OGDHL: variants seen among roughly 807,000 people sequenced by gnomAD.
OGDHL encodes the protein 2-oxoglutarate dehydrogenase-like, mitochondrial.
In OGDHL, 79 loss-of-function variants were observed where a neutral mutation model predicts 109.6. The ratio of observed to expected loss-of-function variants is 0.72; its 90% CI spans 0.60 to 0.87. OGDHL has a LOEUF of 0.87. OGDHL is among the 40% of genes least tolerant of loss of function. The probability of loss-of-function intolerance (pLI) is 0.00; values close to 1 mark genes in which losing one functional copy is unlikely to be tolerated. For missense variants in OGDHL, 1,275 were observed against 1,362.2 expected, an observed-to-expected ratio of 0.94 and a Z score of 1.01; for synonymous variants, 528 against 537.2, an observed-to-expected ratio of 0.98 and a Z score of 0.24.
intron 1 of OGDHL, among the ~76,000 whole-genome samples, chr10:49,761,393 G>A (rs564475829): frequency 2.0e-5 from 3 of 152,360 alleles, no homozygotes; most frequent in East Asian, 3.9e-4. Context: ...TGCACCCATT[G>A]CAGAGATCAG....
At chr10:49,745,243 A>T in intron 12 of OGDHL, 101 bp downstream of exon 12, 2 of 1,445,390 alleles carry the variant, frequency 1.4e-6, no homozygotes. Context: ...CTACTTCTTT[A>T]AATCCTTAGT....
At chr10:49,754,566 G>C (rs1842804323) in intron 3 of OGDHL, among the ~76,000 whole-genome samples, 1 of 151,946 alleles carries the variant, frequency 6.6e-6, no homozygotes, top group Non-Finnish European at 1.5e-5. Flanking sequence ...AACAGAATTG[G>C]CATATCACCA....
chr10:49,735,020 TATAGGACTCCTCTGGCTCCCTCA>T lies in OGDHL; in HGVS notation c.*185_*207del. On this transcript the variant is annotated 3_prime_UTR_variant, in exon 23 of 23. Transcript: ENST00000374103. ...GGATGCTCCAGCACAGTAGCCTGCC[TATAGGACTCCTCTGGCTCCCTCA>T]GTCCTGGTAGATTCTGGCATGACAC... The T allele has an allele frequency of 1.9e-6, 1 of 535,078 alleles. No homozygotes were observed. The highest frequency in any genetic ancestry group is 3.4e-5 in the East Asian group (1 of 29,272). The allele number at this position is 535,078 out of a possible 1,614,324, so 33.1% of individuals were successfully genotyped here.
chr10:49,751,556 C>T (rs1434442744), intron 6 of OGDHL, among the ~76,000 whole-genome samples: 1 of 152,252 alleles, frequency 6.6e-6, no homozygotes, highest in South Asian at 2.1e-4. Flanking sequence ...CCCACAGCCA[C>T]TTCCCGCCAC....
At chr10:49,744,628 G>C in intron 13 of OGDHL, 22 bp downstream of exon 13, 1 of 1,599,738 alleles carries the variant, frequency 6.3e-7, no homozygotes, top group Middle Eastern at 1.7e-4. Context: ...GAGTCCCTCT[G>C]AGCCACACAC....
At chr10:49,743,963 G>C (rs1841987328) in intron 14 of OGDHL, 31 bp downstream of exon 14, 2 of 1,604,560 alleles carry the variant, frequency 1.2e-6, no homozygotes. Flanking sequence ...GGGGCCAGCA[G>C]CCTGGGCTGC....
At chr10:49,750,243 TC>T (rs1842491618) in intron 7 of OGDHL, among the ~76,000 whole-genome samples, 1 of 152,170 alleles carries the variant, frequency 6.6e-6, no homozygotes, top group African/African-American at 2.4e-5. Context: ...ACTCTGCACA[TC>T]TGCACATGCC....
At position 49,756,895 on chromosome 10, in the gene OGDHL, C is replaced by T. The variant is rs972315344; in HGVS notation, c.256G>A (p.Ala86Thr). 7 of 1,613,852 alleles carry T rather than the reference C, an allele frequency of 4.3e-6. No homozygotes were observed. Among genetic ancestry groups the T allele is most frequent in the South Asian group, 1.1e-5 (1 of 90,980 alleles). The change falls in exon 3 of 23, where the codon GCT (alanine) becomes ACT (threonine). Residue 86 changes from alanine (A) to threonine (T), a missense_variant. Ala to Thr is a moderately conservative substitution (Grantham distance 58). Transcript: ENST00000374103. ...EASEEAFSGS[A>T]QPRPPSVVHE... is the part of the protein sequence containing the mutation. ...ACAACAGAAGGGGGCCGTGGCTGAGCAGAGCCAGAAAAGGCTTCCTCGCTG... is the reference window on the plus strand; with the variant it reads ...ACAACAGAAGGGGGCCGTGGCTGAGTAGAGCCAGAAAAGGCTTCCTCGCTG...
At chr10:49,743,850 T>TGG in intron 14 of OGDHL, 144 bp downstream of exon 14, 1 of 994,592 alleles carries the variant, frequency 1.0e-6, no homozygotes, top group East Asian at 2.8e-5. Context: ...GGCACAGACA[T>TGG]GGTGCCGAGA....
At chr10:49,743,450 G>A (rs980750627) in intron 14 of OGDHL, 1 of 175,052 alleles carries the variant, frequency 5.7e-6, no homozygotes, top group African/African-American at 2.4e-5. Context: ...GGGTCAGAGG[G>A]TGTGTAGGCA....
At position 49,745,670 on chromosome 10, in the gene OGDHL, G is replaced by A. The variant is rs1443478390; in HGVS notation, c.1476+128C>T. On this transcript the variant is annotated intron_variant, in intron 11 of 22. Transcript: ENST00000374103. ...CCAGGCCTTTGCACAGATTGCTCTTGGTGGCATAAATCTCTCATCCAAGAA... is the reference window on the plus strand; with the variant it reads ...CCAGGCCTTTGCACAGATTGCTCTTAGTGGCATAAATCTCTCATCCAAGAA... 9 of 1,304,808 alleles carry A rather than the reference G, an allele frequency of 6.9e-6. No individual in the cohort carries two copies. In the African/African-American group the frequency reaches 1.2e-4, roughly 17 times the overall value. The allele number at this position is 1,304,808 out of a possible 1,614,324, so 80.8% of individuals were successfully genotyped here.
chr10:49,737,805 G>A lies in OGDHL; in HGVS notation c.2571C>T (p.Ser857=). 6.2e-7 allele frequency: 1 copy of A among 1,614,204 alleles called. No individual in the cohort carries two copies. The highest frequency in any genetic ancestry group is 8.5e-7 in the Non-Finnish European group (1 of 1,180,034). The change falls in exon 20 of 23, where the codon AGC becomes AGT. Residue 857 remains serine, a synonymous_variant. Transcript: ENST00000374103. ...ACGTACCGGATACCATTTGGTCAAA[G>A]CTGGACTTGGCCTCTGGGTGCCTCA... ...SLLRHPEAKS[S]FDQMVSGTSF...
Position 49,747,225 on chromosome 10 carries a change from G to C in OGDHL, c.988-17C>G. 9 of 1,610,794 alleles carry C rather than the reference G, an allele frequency of 5.6e-6. No homozygotes were observed. The highest frequency in any genetic ancestry group is 7.6e-6 in the Non-Finnish European group (9 of 1,177,744). Reference sequence around the variant, plus strand: ...CCCGGAGCCCTGAAGGTGGAGATGGGAACATGATGGATCCTCCCCTCCCAC... The same window carrying C: ...CCCGGAGCCCTGAAGGTGGAGATGGCAACATGATGGATCCTCCCCTCCCAC... On this transcript the variant is annotated splice_polypyrimidine_tract_variant and intron_variant, in intron 8 of 22. Coordinates refer to ENST00000374103, the MANE Select transcript of OGDHL (RefSeq NM_018245.3).
In OGDHL at chr10:49,735,155, G is replaced by A. The variant is rs1345913296; in HGVS notation, c.*73C>T. 2.3e-5 allele frequency: 36 copies of A among 1,556,254 alleles called. No individual in the cohort carries two copies. The highest frequency in any genetic ancestry group is 6.3e-5 in the South Asian group (5 of 79,750). On this transcript the variant is annotated 3_prime_UTR_variant, in exon 23 of 23. Transcript: ENST00000374103. ...AGCCCCTCTCCTGGGCAGGAGCTCC[G>A]CCCCTCCCCTTTTCATCACCCCCTT...
chr10:49,737,662 G>A (rs1426868396), intron 20 of OGDHL, 124 bp downstream of exon 20: 2 of 1,019,442 alleles, frequency 2.0e-6, no homozygotes, highest in African/African-American at 1.6e-5. Context: ...ACCATGCCAG[G>A]AGCTGCTGCA....
At chr10:49,740,925 A>G in intron 15 of OGDHL, 88 bp from the exon 16 acceptor site, 1 of 1,536,806 alleles carries the variant, frequency 6.5e-7, no homozygotes, top group South Asian at 1.2e-5. Flanking sequence ...AGCAGGAGGC[A>G]GGCAAGCCTC....
rs559546378 is a variant in OGDHL, at chr10:49,745,454, T to C, written c.1519A>G (p.Met507Val). The C allele has an allele frequency of 2.5e-6, 4 of 1,614,132 alleles. No individual in the cohort carries two copies. Among genetic ancestry groups the C allele is most frequent in the East Asian group, 2.2e-5 (1 of 44,874 alleles). ...TTGTACATGAGCGGCTGGGTGAACA[T>C]GGGCTCGTCCATCTCATTGTGGCCA... ...RRGHNEMDEPMFTQPLMYKQI... is the reference protein window; with the variant it reads ...RRGHNEMDEPVFTQPLMYKQI... Residue 507 changes from methionine (M) to valine (V), a missense_variant, in exon 12 of 23, where the codon ATG (methionine) becomes GTG (valine). Met to Val is a conservative substitution (Grantham distance 21). Coordinates refer to ENST00000374103, the MANE Select transcript of OGDHL (RefSeq NM_018245.3).
chr10:49,749,050 A>T (rs974948671), intron 8 of OGDHL, among the ~76,000 whole-genome samples: 3 of 152,116 alleles, frequency 2.0e-5, no homozygotes, highest in Non-Finnish European at 2.9e-5. Flanking sequence ...CTCTACTAAA[A>T]ATACAAAAAT....
Position 49,740,809 on chromosome 10 carries a change from C to T in OGDHL, c.2041G>A (p.Glu681Lys). Residue 681 changes from glutamate to lysine, a missense_variant, in exon 16 of 23, where the codon GAG (glutamate) becomes AAG (lysine). Physicochemically the swap from Glu to Lys is moderately conservative, Grantham distance 56. Transcript: ENST00000374103. Reference sequence around the variant, plus strand: ...GGCACACACGTCCTGCGGTCAACCTCCTGGTCATGGAGAACATGGTGCCGG... The same window carrying T: ...GGCACACACGTCCTGCGGTCAACCTTCTGGTCATGGAGAACATGGTGCCGG... ...SHRHHVLHDQ[E>K]VDRRTCVPMN... is the part of the protein sequence containing the mutation. 6.2e-7 allele frequency: 1 copy of T among 1,613,938 alleles called. No homozygotes were observed. The highest frequency in any genetic ancestry group is 1.7e-5 in the Admixed American group (1 of 60,020).
Sources: gnomAD v4.1 joint callset for allele counts (sites outside exome capture counted in the v4.1 genomes callset) on GRCh38, gnomAD v4.1.1 for gene constraint, MANE v1.5 for transcripts, NCBI Gene and HGNC (gene_info 2026-07-23, HGNC 2026-07-21) for gene names.